The following NOL4L variants were observed in gnomAD, a reference collection of about 807,000 sequenced individuals.
NOL4L encodes nucleolar protein 4 like.
NOL4L carries 7 observed loss-of-function variants against 64.5 expected under a neutral mutation model. The ratio of observed to expected loss-of-function variants is 0.11; its 90% confidence interval spans 0.06 to 0.20. The LOEUF (loss-of-function observed/expected upper bound fraction) is 0.20. Among genes scored for constraint, NOL4L ranks in the 10% least tolerant of loss-of-function variants. The pLI, the probability that NOL4L is intolerant of heterozygous loss-of-function variation, is 1.00. For synonymous variants in NOL4L, 413 were observed against 401.0 expected (o/e 1.03, Z -0.36); for missense variants, 680 against 967.1 (o/e 0.70, Z 3.94).
At chr20:32,524,208 C>A (rs2018045822) in intron 2 of NOL4L, among the ~76,000 whole-genome samples, 1 of 152,206 alleles carries the variant, frequency 6.6e-6, no homozygotes, top group African/African-American at 2.4e-5. Context: ...TCAGGAAACT[C>A]TGTAGAACCA....
At chr20:32,457,603 G>T (rs548014531) in intron 5 of NOL4L, among the ~76,000 whole-genome samples, 1 of 152,332 alleles carries the variant, frequency 6.6e-6, no homozygotes, top group East Asian at 1.9e-4. Context: ...CTGCCCGGGG[G>T]CGGGTCCAGG....
At chr20:32,572,306 G>A (rs1405091959) in intron 1 of NOL4L, 1 of 152,198 alleles carries the variant, frequency 6.6e-6, no homozygotes, top group East Asian at 1.9e-4. Flanking sequence ...TGCATAAAGT[G>A]TTTAGCACAG....
intron 4 of NOL4L, among the ~76,000 whole-genome samples, chr20:32,505,689 C>G (rs1377167799): frequency 6.6e-6 from 1 of 152,218 alleles, no homozygotes; most frequent in African/African-American, 2.4e-5. Context: ...GCACTCCAGC[C>G]TGGGTGACAG....
At chr20:32,521,339 T>A (rs1568683305) in intron 2 of NOL4L, among the ~76,000 whole-genome samples, 1 of 152,122 alleles carries the variant, frequency 6.6e-6, no homozygotes. Flanking sequence ...CCCAGGCCCA[T>A]ACACAGAACC....
At position 32,454,447 on chromosome 20, in the gene NOL4L, C is replaced by CAGTAGGATCT. The variant is rs201907749; in HGVS notation, c.1120-687_1120-686insAGATCCTACT. 9.6e-3 allele frequency among the ~76,000 whole-genome samples: 1,470 copies of CAGTAGGATCT among 152,334 alleles called. 28 individuals are homozygous for CAGTAGGATCT. The highest frequency in any genetic ancestry group is 0.033 in the African/African-American group (1,388 of 41,564). On this transcript the variant is annotated intron_variant, in intron 6 of 10. Transcript: ENST00000621426. ...GGATCCGGCCTCCCCCAGCAGTCTC[C>CAGTAGGATCT]TGTCCTCCAGTAGAGAAGGGCTCCA...
intron 5 of NOL4L, among the ~76,000 whole-genome samples, chr20:32,462,507 C>A (rs563983616): frequency 1.3e-5 from 2 of 152,214 alleles, no homozygotes; most frequent in East Asian, 3.9e-4. Flanking sequence ...CTGCACCTGG[C>A]CAGGAGAACG....
chr20:32,508,195 G>A (rs1332809853), intron 4 of NOL4L, among the ~76,000 whole-genome samples: 1 of 152,180 alleles, frequency 6.6e-6, no homozygotes, highest in Admixed American at 6.5e-5. Flanking sequence ...TTGGGACATC[G>A]GATTTGACAG....
Position 32,447,403 on chromosome 20 carries a change from CAAA to C in NOL4L, c.*190_*192del, listed in dbSNP as rs386393630. 1,390 of 150,112 alleles carry C rather than the reference CAAA, an allele frequency of 9.3e-3. No individual in the cohort carries two copies. The highest frequency in any genetic ancestry group is 0.015 in the East Asian group (53 of 3,432). The allele number at this position is 150,112 out of a possible 1,614,324, so 9.3% of individuals were successfully genotyped here. A position where few individuals can be genotyped will look rare whatever the true frequency, so the allele number is the denominator to read the frequency against. On this transcript the variant is annotated 3_prime_UTR_variant, in exon 11 of 11. Coordinates refer to ENST00000621426, the MANE Select transcript of NOL4L (RefSeq NM_001256798.2). ...TCAGAGCACCCGTGTGGTGAGATTC[CAAA>C]AAAAAAAAAAAAAAAAAAAAAAAGT...
At chr20:32,490,044 G>A (rs543647539) in intron 4 of NOL4L, among the ~76,000 whole-genome samples, 198 of 144,618 alleles carry the variant, frequency 1.4e-3, no homozygotes, top group African/African-American at 4.8e-3. Context: ...CAGGAGAATC[G>A]CTTGAACCCA....
intron 1 of NOL4L, among the ~76,000 whole-genome samples, chr20:32,577,285 G>A (rs547550180): frequency 6.6e-6 from 1 of 152,296 alleles, no homozygotes; most frequent in East Asian, 1.9e-4. Context: ...CGGGGGTGGC[G>A]TCCATACAGG....
At chr20:32,481,277 C>G (rs2015696423) in intron 4 of NOL4L, among the ~76,000 whole-genome samples, 1 of 152,190 alleles carries the variant, frequency 6.6e-6, no homozygotes, top group Non-Finnish European at 1.5e-5. Context: ...CTCGCTGGTA[C>G]CCTCAGACCC....
At chr20:32,535,844 G>T in intron 1 of NOL4L, 7 of 985,568 alleles carry the variant, frequency 7.1e-6, no homozygotes, top group Non-Finnish European at 8.4e-6. Flanking sequence ...ATGCAGATCC[G>T]AATGACAATG....
rs753395927 is a variant in NOL4L, at chr20:32,444,108, G to A, written c.*3488C>T. The A allele has an allele frequency of 6.6e-6, 1 of 152,224 alleles. No homozygotes were observed. Among genetic ancestry groups the A allele is most frequent in the Non-Finnish European group, 1.5e-5 (1 of 68,052 alleles). 9.4% of individuals were successfully genotyped at this position (152,224 alleles called of 1,614,324 possible). A position where few individuals can be genotyped will look rare whatever the true frequency, so the allele number is the denominator to read the frequency against. On this transcript the variant is annotated 3_prime_UTR_variant, in exon 11 of 11. Coordinates refer to ENST00000621426, the MANE Select transcript of NOL4L (RefSeq NM_001256798.2). ...GAGCAAGTCTTGCAGAACACACAGG[G>A]ACTGGGGGCATCTGTACATGTAAAC...
chr20:32,567,839 C>A (rs538094621), intron 1 of NOL4L, among the ~76,000 whole-genome samples: 2 of 152,138 alleles, frequency 1.3e-5, no homozygotes, highest in East Asian at 3.9e-4. Context: ...TGTGTGCCAT[C>A]ACACACACCA....
intron 1 of NOL4L, among the ~76,000 whole-genome samples, chr20:32,559,530 G>A (rs1473984971): frequency 2.6e-5 from 4 of 152,304 alleles, no homozygotes; most frequent in South Asian, 2.1e-4. Context: ...GGCACTGCTC[G>A]GAGCACTTGA....
chr20:32,450,354 T>TTGAC (rs2012765509), intron 10 of NOL4L: 1 of 152,150 alleles, frequency 6.6e-6, no homozygotes, highest in African/African-American at 2.4e-5. Flanking sequence ...TGCTGGAGGA[T>TTGAC]TTAAACAATG....
chr20:32,488,775 C>CT (rs1568647487), intron 4 of NOL4L, among the ~76,000 whole-genome samples: 26 of 57,086 alleles, frequency 4.6e-4, no homozygotes, highest in East Asian at 1.8e-3. Flanking sequence ...TCCTTCCTTC[C>CT]TTCCTTCCTT....
chr20:32,512,052 A>AAC (rs1296443989), intron 3 of NOL4L, among the ~76,000 whole-genome samples: 14 of 151,996 alleles, frequency 9.2e-5, no homozygotes, highest in Non-Finnish European at 1.2e-4. Context: ...CCACCCCCAC[A>AAC]ACACACACAC....
At chr20:32,544,494 C>G (rs1381992680) in intron 1 of NOL4L, among the ~76,000 whole-genome samples, 3 of 152,032 alleles carry the variant, frequency 2.0e-5, no homozygotes, top group Admixed American at 6.6e-5. Context: ...CAGTGGGGTG[C>G]CAACAAGGAT....
Sources: gnomAD v4.1 joint callset for allele counts (sites outside exome capture counted in the v4.1 genomes callset) on GRCh38, gnomAD v4.1.1 for gene constraint, MANE v1.5 for transcripts, NCBI Gene and HGNC (gene_info 2026-07-23, HGNC 2026-07-21) for gene names.